ABCA13: variants seen among roughly 807,000 people sequenced by gnomAD.
The protein encoded by ABCA13 is ATP binding cassette subfamily A member 13, also known as ATP-binding cassette sub-family A member 13.
ABCA13 carries 476 observed loss-of-function variants against 478.7 expected under a neutral mutation model. That is an observed-to-expected ratio of 0.99 (90% CI 0.92 to 1.07). The LOEUF is 1.07. ABCA13 is among the 50% of genes least tolerant of loss of function. The pLI is 0.00. For synonymous variants in ABCA13, 2,252 were observed against 2,158.9 expected, an observed-to-expected ratio of 1.04 and a Z score of -1.20; for missense variants, 6,060 against 5,910.6, an observed-to-expected ratio of 1.03 and a Z score of -0.83.
Position 48,411,938 on chromosome 7 carries a change from C to T in ABCA13, c.12229-415C>T, listed in dbSNP as rs1441260336. Among the ~76,000 whole-genome samples the T allele has an allele frequency of 4.6e-5, 7 of 152,272 alleles. No homozygotes were observed. In the South Asian group the frequency reaches 1.2e-3, roughly 27 times the overall value. The stretch of plus-strand genomic sequence containing the variant: ...TGAATGTCATTATCCCCAGGTGGCT[C>T]CTTTCTTCTTTGGCTGAGAATTCTT... On this transcript the variant is annotated intron_variant, in intron 40 of 61. Coordinates refer to ENST00000435803, the MANE Select transcript of ABCA13 (RefSeq NM_152701.5).
chr7:48,238,155 G>A (rs139601484), intron 8 of ABCA13, among the ~76,000 whole-genome samples: 28 of 152,300 alleles, frequency 1.8e-4, no homozygotes, highest in African/African-American at 5.5e-4. Flanking sequence ...GTGTCCTCAC[G>A]TGGTAGAAGG....
At position 48,203,247 on chromosome 7, in the gene ABCA13, A is replaced by T. The variant is rs545678757; in HGVS notation, c.287+4887A>T. 2.8e-4 allele frequency among the ~76,000 whole-genome samples: 42 copies of T among 152,178 alleles called. No individual in the cohort carries two copies. In the East Asian group the frequency reaches 7.2e-3, roughly 26 times the overall value. On this transcript the variant is annotated intron_variant, in intron 3 of 61. Coordinates refer to ENST00000435803, the MANE Select transcript of ABCA13 (RefSeq NM_152701.5). ...CCAAGCCCACGCGCACCGGAACTCCAGCTGGCCCGCAAGCGCCGCACGCAG... is the reference window on the plus strand; with the variant it reads ...CCAAGCCCACGCGCACCGGAACTCCTGCTGGCCCGCAAGCGCCGCACGCAG...
At chr7:48,349,767 G>A (rs1808665926) in intron 29 of ABCA13, among the ~76,000 whole-genome samples, 1 of 152,218 alleles carries the variant, frequency 6.6e-6, no homozygotes, top group African/African-American at 2.4e-5. Context: ...AGCTTCGATG[G>A]AGGGTGGAAA....
intron 5 of ABCA13, among the ~76,000 whole-genome samples, chr7:48,224,709 G>T (rs1294653868): frequency 6.6e-6 from 1 of 152,072 alleles, no homozygotes; most frequent in Non-Finnish European, 1.5e-5. Context: ...CTCCACGAAC[G>T]TCCCTCATCT....
Position 48,279,417 on chromosome 7 carries a change from C to T in ABCA13, c.8223C>T (p.Leu2741=), listed in dbSNP as rs774421007. 2.5e-6 allele frequency: 4 copies of T among 1,603,410 alleles called. No individual in the cohort carries two copies. The highest frequency in any genetic ancestry group is 3.4e-6 in the Non-Finnish European group (4 of 1,173,850). Residue 2741 remains leucine, a synonymous_variant, in exon 18 of 62, where the codon CTC becomes CTT. Coordinates refer to ENST00000435803, the MANE Select transcript of ABCA13 (RefSeq NM_152701.5). ...IGSFLKMVIC[L]TLEALWKNLK... ...CTTTCTTGAAAATGGTGATCTGTCT[C>T]ACCTTAGAAGCTCTTTGGAAAAACT...
chr7:48,372,151 T>C lies in ABCA13; in HGVS notation c.10804-17T>C. Reference sequence around the variant, plus strand: ...ACGCATGCTGTGGTAACCTTGGGTTTTTTCTCTTTTTGGTAGTATATGCGG... The same window carrying C: ...ACGCATGCTGTGGTAACCTTGGGTTCTTTCTCTTTTTGGTAGTATATGCGG... On this transcript the variant is annotated splice_polypyrimidine_tract_variant and intron_variant, in intron 32 of 61. Transcript: ENST00000435803. 5.0e-6 allele frequency: 8 copies of C among 1,598,436 alleles called. No homozygotes were observed. The highest frequency in any genetic ancestry group is 6.8e-6 in the Non-Finnish European group (8 of 1,170,392).
At chr7:48,203,272 G>A (rs1236492994) in intron 3 of ABCA13, among the ~76,000 whole-genome samples, 2 of 152,168 alleles carry the variant, frequency 1.3e-5, no homozygotes, top group Non-Finnish European at 2.9e-5. Flanking sequence ...GCCGCACGCA[G>A]CCCCGGTTCC....
At chr7:48,633,714 TA>T (rs202096204) in intron 59 of ABCA13, among the ~76,000 whole-genome samples, 8,748 of 134,118 alleles carry the variant, frequency 0.065, 254 homozygotes, top group South Asian at 0.1. Flanking sequence ...CTTTCTCTAC[TA>T]AAAAAAAAAA....
chr7:48,230,007 A>G (rs1788814212), intron 7 of ABCA13, 52 bp downstream of exon 7: 5 of 1,557,308 alleles, frequency 3.2e-6, no homozygotes, highest in Admixed American at 1.9e-5. Context: ...AACTACTTAA[A>G]TTCATTGACA....
intron 42 of ABCA13, among the ~76,000 whole-genome samples, chr7:48,453,554 C>T (rs775824084): frequency 3.3e-5 from 5 of 152,198 alleles, no homozygotes; most frequent in Admixed American, 6.5e-5. Context: ...ACTTGCTACA[C>T]GGATGTGCCA....
At chr7:48,328,890 T>C (rs1014449700) in intron 27 of ABCA13, among the ~76,000 whole-genome samples, 7 of 152,140 alleles carry the variant, frequency 4.6e-5, no homozygotes, top group Non-Finnish European at 1.0e-4. Flanking sequence ...TTTTGTTGTT[T>C]GGAGGTATTA....
chr7:48,611,996 CAAA>C (rs1481682100), intron 58 of ABCA13: 1 of 152,142 alleles, frequency 6.6e-6, no homozygotes, highest in Non-Finnish European at 1.5e-5. Flanking sequence ...GCAACTATAA[CAAA>C]GAAACCTCAA....
intron 41 of ABCA13, among the ~76,000 whole-genome samples, chr7:48,420,288 C>A (rs990347325): frequency 6.6e-6 from 1 of 152,186 alleles, no homozygotes. Flanking sequence ...AAAATGAAAT[C>A]ATGATAGTCA....
intron 55 of ABCA13, among the ~76,000 whole-genome samples, chr7:48,555,566 G>A (rs750094973): frequency 2.0e-5 from 3 of 151,830 alleles, no homozygotes; most frequent in Non-Finnish European, 4.4e-5. Flanking sequence ...TAGGTTGTAT[G>A]TGTCTAGGAA....
At chr7:48,600,838 A>C (rs1044829279) in intron 58 of ABCA13, among the ~76,000 whole-genome samples, 1 of 152,220 alleles carries the variant, frequency 6.6e-6, no homozygotes, top group East Asian at 1.9e-4. Context: ...TAATCCATAC[A>C]ATTGTCATTT....
chr7:48,423,588 C>T (rs1821052093), intron 41 of ABCA13, among the ~76,000 whole-genome samples: 1 of 152,098 alleles, frequency 6.6e-6, no homozygotes, highest in Non-Finnish European at 1.5e-5. Flanking sequence ...GTAGAGATGA[C>T]ACTGGGCTGT....
intron 45 of ABCA13, among the ~76,000 whole-genome samples, chr7:48,476,808 G>A (rs967025696): frequency 3.9e-5 from 6 of 152,098 alleles, no homozygotes; most frequent in Non-Finnish European, 8.8e-5. Flanking sequence ...CAAGCATCTA[G>A]GTAAATAAAT....
chr7:48,333,973 C>T (rs971261542), intron 27 of ABCA13, among the ~76,000 whole-genome samples: 5 of 152,252 alleles, frequency 3.3e-5, no homozygotes, highest in Non-Finnish European at 7.3e-5. Context: ...CCAGTGTCAT[C>T]CGAGCTGATC....
At chr7:48,527,038 T>C (rs528471467) in intron 54 of ABCA13, among the ~76,000 whole-genome samples, 6 of 152,292 alleles carry the variant, frequency 3.9e-5, no homozygotes, top group African/African-American at 1.4e-4. Context: ...TGGTATTGTC[T>C]TCAATGCTGT....
Sources: gnomAD v4.1 joint callset for allele counts (sites outside exome capture counted in the v4.1 genomes callset) on GRCh38, gnomAD v4.1.1 for gene constraint, MANE v1.5 for transcripts, NCBI Gene and HGNC (gene_info 2026-07-23, HGNC 2026-07-21) for gene names.